Variants in STS observed in about 807,000 individuals in gnomAD.
STS encodes the protein steroid sulfatase.
In STS, 7 loss-of-function variants were observed where a neutral mutation model predicts 26.8. The ratio of observed to expected loss-of-function variants is 0.26; its 90% confidence interval spans 0.15 to 0.49. STS has a LOEUF of 0.49. Ranked by LOEUF, STS falls within the 20% of genes least tolerant of loss-of-function variation. STS has a pLI of 0.98. For synonymous variants in STS, 199 were observed against 189.4 expected, an observed-to-expected ratio of 1.05 and a Z score of -0.42; for missense variants, 434 against 465.6, an observed-to-expected ratio of 0.93 and a Z score of 0.63.
chrX:7,305,932 A>G (rs988897488), intron 8 of STS, among the ~76,000 whole-genome samples: 3 of 112,045 alleles, frequency 2.7e-5, no homozygotes, highest in African/African-American at 6.5e-5. Flanking sequence ...CACAGGTTAC[A>G]GGGATTAGGA....
At position 7,268,752 on chromosome X, in the gene STS, C is replaced by T. The variant is rs563039953; in HGVS notation, c.807-7199C>T. 1.9e-4 allele frequency among the ~76,000 whole-genome samples: 21 copies of T among 111,599 alleles called. No individual in the cohort carries two copies. The South Asian group carries it at 8.0e-3, about 42-fold the overall frequency. On this transcript the variant is annotated intron_variant, in intron 6 of 10. Coordinates refer to ENST00000674429, the MANE Select transcript of STS (RefSeq NM_001320752.2). Reference sequence around the variant, plus strand: ...GGGCAACGGGCACAGTGGCTCATGCCTGTAATCCTAGCACTTTGGGAAGCC... The same window carrying T: ...GGGCAACGGGCACAGTGGCTCATGCTTGTAATCCTAGCACTTTGGGAAGCC...
chrX:7,238,786 C>T (rs1262440435), intron 2 of STS, among the ~76,000 whole-genome samples: 4 of 110,740 alleles, frequency 3.6e-5, no homozygotes, highest in East Asian at 5.6e-4. Context: ...GAGCTGTGAT[C>T]GTACCACTGT....
intron 10 of STS, among the ~76,000 whole-genome samples, chrX:7,344,576 A>G (rs1432883942): frequency 9.0e-6 from 1 of 111,548 alleles, no homozygotes; most frequent in Non-Finnish European, 1.9e-5. Flanking sequence ...GGGAAAAGAC[A>G]TACCACATAC....
chrX:7,295,998 G>A (rs12007605), intron 7 of STS, among the ~76,000 whole-genome samples: 2,319 of 111,415 alleles, frequency 0.021, 55 homozygotes, highest in African/African-American at 0.069. Context: ...TAGCATGAAC[G>A]TGAGTCTCGA....
At chrX:7,171,756 A>G (rs970443567) in intron 1 of STS, among the ~76,000 whole-genome samples, 1 of 111,925 alleles carries the variant, frequency 8.9e-6, no homozygotes, top group Admixed American at 9.5e-5. Context: ...TGTCTGTGGA[A>G]TATATGTGGC....
At chrX:7,152,166 A>G (rs1334242800) in intron 1 of STS, among the ~76,000 whole-genome samples, 5 of 106,016 alleles carry the variant, frequency 4.7e-5, no homozygotes, top group Non-Finnish European at 9.8e-5. Flanking sequence ...GTTAGCCAGG[A>G]TGGTCTCGAT....
chrX:7,262,688 T>C (rs1175619604), intron 6 of STS, among the ~76,000 whole-genome samples: 1 of 111,457 alleles, frequency 9.0e-6, no homozygotes, highest in Non-Finnish European at 1.9e-5. Flanking sequence ...CCCATGGAAA[T>C]CTCATGAACA....
rs987587724 is a variant in STS at position 7,147,730 on chromosome X, G to A, written c.-487G>A. 4.4e-5 allele frequency: 5 copies of A among 112,746 alleles called. No individual in the cohort carries two copies. The highest frequency in any genetic ancestry group is 1.6e-4 in the African/African-American group (5 of 30,811). The allele number at this position is 112,746 out of a possible 1,213,427, so 9.3% of individuals were successfully genotyped here. The stretch of plus-strand genomic sequence containing the variant: ...GCGCCTCGCTCTGAGGAGAGGACGC[G>A]GAGCCGCGCGCCCGCCCGGTGGACC... On this transcript the variant is annotated 5_prime_UTR_variant, in exon 1 of 11. Transcript: ENST00000674429.
At chrX:7,322,510 C>G (rs764818298) in intron 8 of STS, among the ~76,000 whole-genome samples, 11 of 111,756 alleles carry the variant, frequency 9.8e-5, no homozygotes, top group Non-Finnish European at 2.1e-4. Flanking sequence ...AAGCAATTCT[C>G]GTGCCTCATC....
chrX:7,192,585 A>T (rs1305020223), intron 2 of STS, among the ~76,000 whole-genome samples: 1 of 108,783 alleles, frequency 9.2e-6, no homozygotes, highest in Non-Finnish European at 1.9e-5. Context: ...AAAATAGATG[A>T]ACGGCAGTTT....
At chrX:7,175,772 C>T (rs1446821007) in intron 1 of STS, among the ~76,000 whole-genome samples, 1 of 111,685 alleles carries the variant, frequency 9.0e-6, no homozygotes, top group African/African-American at 3.3e-5. Context: ...CTTCCTCGCT[C>T]AATCAGTGGG....
At chrX:7,201,149 A>C (rs919632162) in intron 2 of STS, among the ~76,000 whole-genome samples, 10 of 111,607 alleles carry the variant, frequency 9.0e-5, no homozygotes, top group Non-Finnish European at 3.8e-5. Flanking sequence ...ATAGGCAGAC[A>C]GATATGTAGA....
chrX:7,153,657 C>T (rs755505868), intron 1 of STS, among the ~76,000 whole-genome samples: 39 of 93,895 alleles, frequency 4.2e-4, no homozygotes, highest in African/African-American at 1.6e-3. Context: ...TCCTCAACTC[C>T]CTCCCTCTCT....
rs201195205 is a variant in STS at position 7,223,607 on chromosome X, GTTTTT to G, written c.-4-29584_-4-29580del. Among the ~76,000 whole-genome samples the G allele has an allele frequency of 5.6e-5, 6 of 107,527 alleles. No homozygotes were observed. The East Asian group carries it at 1.8e-3, about 32-fold the overall frequency. 93.4% of individuals were successfully genotyped at this position (107,527 alleles called of 115,157 possible). A position where few individuals can be genotyped will look rare whatever the true frequency, so the allele number is the denominator to read the frequency against. ...CTTTTTAATGGGGTTATTTGTTTTT[GTTTTT>G]TTTTCTCATTGAGTTGTTTGAGTTC... On this transcript the variant is annotated intron_variant, in intron 2 of 10. Transcript: ENST00000674429.
intron 8 of STS, among the ~76,000 whole-genome samples, chrX:7,311,477 T>G (rs893900141): frequency 1.8e-5 from 2 of 111,844 alleles, no homozygotes; most frequent in African/African-American, 6.5e-5. Flanking sequence ...CCATTAATTC[T>G]TAACCTTCCT....
At chrX:7,196,149 A>G (rs1039672285) in intron 2 of STS, among the ~76,000 whole-genome samples, 4 of 112,352 alleles carry the variant, frequency 3.6e-5, no homozygotes, top group Non-Finnish European at 7.5e-5. Flanking sequence ...GGCAATATCC[A>G]AGGAATATTG....
rs112896972 is a variant in STS, at chrX:7,232,851, C to A, written c.-4-20345C>A. ...GGTGACCGGATCATGGGGGTGGTCC[C>A]CCCATGCTGTTCTCATCGTAGTGAC... On this transcript the variant is annotated intron_variant, in intron 2 of 10. Coordinates refer to ENST00000674429, the MANE Select transcript of STS (RefSeq NM_001320752.2). 4.5e-5 allele frequency among the ~76,000 whole-genome samples: 5 copies of A among 111,463 alleles called. No homozygotes were observed. In the Admixed American group the frequency reaches 4.7e-4, roughly 11 times the overall value.
At chrX:7,324,485 G>C (rs771303021) in intron 8 of STS, among the ~76,000 whole-genome samples, 2 of 112,068 alleles carry the variant, frequency 1.8e-5, no homozygotes, top group Non-Finnish European at 3.8e-5. Flanking sequence ...CTGCACAAGA[G>C]ACAGCTTTGT....
chrX:7,148,162 ACCCG>A, intron 1 of STS, 79 bp downstream of exon 1: 1 of 913,225 alleles, frequency 1.1e-6, no homozygotes, highest in Non-Finnish European at 1.5e-6. Flanking sequence ...GTGCGCGCGC[ACCCG>A]CCCGCCCCGC....
Sources: gnomAD v4.1 joint callset for allele counts (sites outside exome capture counted in the v4.1 genomes callset) on GRCh38, gnomAD v4.1.1 for gene constraint, MANE v1.5 for transcripts, NCBI Gene and HGNC (gene_info 2026-07-23, HGNC 2026-07-21) for gene names.